GRB14: variants seen among roughly 807,000 people sequenced by gnomAD.
GRB14 encodes the protein growth factor receptor bound protein 14, also known as growth factor receptor-bound protein 14.
Under a neutral mutation model 69.1 loss-of-function variants are expected in GRB14, and 38 were observed. The ratio of observed to expected loss-of-function variants is 0.55; its 90% confidence interval spans 0.42 to 0.72. The LOEUF is 0.72. Among genes scored for constraint, GRB14 ranks in the 30% least tolerant of loss-of-function variants. GRB14 has a pLI of 0.00. For missense variants in GRB14, 666 were observed against 666.1 expected, an observed-to-expected ratio of 1.00 and a Z score of 0.00; for synonymous variants, 247 against 241.3, an observed-to-expected ratio of 1.02 and a Z score of -0.22.
chr2:164,539,088 C>A (rs550277249), intron 3 of GRB14, among the ~76,000 whole-genome samples: 1 of 152,258 alleles, frequency 6.6e-6, no homozygotes, highest in East Asian at 1.9e-4. Flanking sequence ...CTAATGGAAT[C>A]TAGATCTTTG....
At chr2:164,610,550 A>T (rs570635548) in intron 2 of GRB14, among the ~76,000 whole-genome samples, 5 of 152,184 alleles carry the variant, frequency 3.3e-5, no homozygotes, top group Admixed American at 6.5e-5. Context: ...AAAAAATTTT[A>T]AAAAATAAAA....
chr2:164,522,347 A>G (rs1163697180), intron 5 of GRB14, among the ~76,000 whole-genome samples: 1 of 152,076 alleles, frequency 6.6e-6, no homozygotes, highest in African/African-American at 2.4e-5. Context: ...ATACACACAC[A>G]CATACACACA....
chr2:164,619,611 A>G (rs1690394494), intron 2 of GRB14, 76 bp downstream of exon 2: 1 of 969,964 alleles, frequency 1.0e-6, no homozygotes, highest in Non-Finnish European at 1.5e-6. Context: ...AATACTGTAA[A>G]TTACGGAACA....
chr2:164,520,228 G>A (rs1687603498), intron 6 of GRB14, among the ~76,000 whole-genome samples: 1 of 151,926 alleles, frequency 6.6e-6, no homozygotes, highest in Non-Finnish European at 1.5e-5. Context: ...ACTGGTCTTT[G>A]ACAAAGCAAA....
chr2:164,522,306 C>T (rs1252383632), intron 5 of GRB14, among the ~76,000 whole-genome samples, 189 bp from the exon 6 acceptor site: 1 of 151,976 alleles, frequency 6.6e-6, no homozygotes, highest in Non-Finnish European at 1.5e-5. Flanking sequence ...ATATCTCTCT[C>T]CTCTGTCTCT....
At chr2:164,553,909 G>A (rs1176186951) in intron 2 of GRB14, among the ~76,000 whole-genome samples, 2 of 152,014 alleles carry the variant, frequency 1.3e-5, no homozygotes, top group South Asian at 2.1e-4. Flanking sequence ...AGCCAAGATC[G>A]CGCCACTGCA....
intron 3 of GRB14, among the ~76,000 whole-genome samples, chr2:164,532,263 TAGA>T (rs1375638889): frequency 5.9e-5 from 9 of 152,136 alleles, no homozygotes; most frequent in Non-Finnish European, 5.9e-5. Flanking sequence ...AAACAAATAA[TAGA>T]AGAATAACCT....
chr2:164,562,552 T>C (rs759114010), intron 2 of GRB14, among the ~76,000 whole-genome samples: 1 of 152,174 alleles, frequency 6.6e-6, no homozygotes, highest in Admixed American at 6.5e-5. Flanking sequence ...TTTAGGAGAA[T>C]AGGGCACGGA....
chr2:164,610,099 T>C (rs1474246335), intron 2 of GRB14, among the ~76,000 whole-genome samples: 2 of 152,236 alleles, frequency 1.3e-5, no homozygotes, highest in African/African-American at 4.8e-5. Context: ...ACTGATTCTC[T>C]TAAATCTATG....
At chr2:164,536,115 A>G (rs1480716273) in intron 3 of GRB14, among the ~76,000 whole-genome samples, 1 of 152,184 alleles carries the variant, frequency 6.6e-6, no homozygotes, top group Non-Finnish European at 1.5e-5. Flanking sequence ...TTCCAAGCCT[A>G]TTCCTTCTAT....
At chr2:164,604,585 T>C (rs1312621566) in intron 2 of GRB14, among the ~76,000 whole-genome samples, 1 of 151,952 alleles carries the variant, frequency 6.6e-6, no homozygotes, top group South Asian at 2.1e-4. Context: ...TAAAATGGGA[T>C]TGAGAACAAA....
At chr2:164,524,403 C>T (rs1687715980) in intron 5 of GRB14, among the ~76,000 whole-genome samples, 1 of 151,980 alleles carries the variant, frequency 6.6e-6, no homozygotes, top group African/African-American at 2.4e-5. Context: ...CATTTCAAGC[C>T]ACTGCCAGTT....
chr2:164,550,532 T>G (rs1304431638), intron 2 of GRB14, among the ~76,000 whole-genome samples: 1 of 152,210 alleles, frequency 6.6e-6, no homozygotes, highest in Non-Finnish European at 1.5e-5. Context: ...TACAATGATA[T>G]AAAGTGGTAA....
chr2:164,543,364 G>C (rs1455518528), intron 3 of GRB14, among the ~76,000 whole-genome samples: 1 of 151,164 alleles, frequency 6.6e-6, no homozygotes, highest in Non-Finnish European at 1.5e-5. Context: ...ATAAAAAAAA[G>C]AATGAAATCA....
At chr2:164,513,868 C>G (rs1687407082) in intron 6 of GRB14, among the ~76,000 whole-genome samples, 1 of 152,136 alleles carries the variant, frequency 6.6e-6, no homozygotes. Flanking sequence ...TAAAAATTCT[C>G]AAAAGAATTT....
chr2:164,500,810 T>C (rs1687029994), intron 9 of GRB14, among the ~76,000 whole-genome samples: 1 of 152,028 alleles, frequency 6.6e-6, no homozygotes, highest in Non-Finnish European at 1.5e-5. Context: ...TAAACTGTTA[T>C]CCACATCTAG....
chr2:164,545,186 T>C (rs888513730), intron 3 of GRB14, among the ~76,000 whole-genome samples: 2 of 152,226 alleles, frequency 1.3e-5, no homozygotes, highest in African/African-American at 2.4e-5. Context: ...TGATAAATTA[T>C]TTAAAATGAT....
chr2:164,595,994 T>G (rs111631097), intron 2 of GRB14, among the ~76,000 whole-genome samples: 1,726 of 152,140 alleles, frequency 0.011, 31 homozygotes, highest in African/African-American at 0.04. Flanking sequence ...CTTGGTGGCA[T>G]GCGCCTGTAG....
At chr2:164,522,832 C>A (rs1317590479) in intron 5 of GRB14, among the ~76,000 whole-genome samples, 3 of 152,042 alleles carry the variant, frequency 2.0e-5, no homozygotes, top group African/African-American at 4.8e-5. Flanking sequence ...TCTCCACTCC[C>A]TTGAATGCGA....
Sources: gnomAD v4.1 joint callset for allele counts (sites outside exome capture counted in the v4.1 genomes callset) on GRCh38, gnomAD v4.1.1 for gene constraint, MANE v1.5 for transcripts, NCBI Gene and HGNC (gene_info 2026-07-23, HGNC 2026-07-21) for gene names.